Variants in RANBP1 observed in about 807,000 individuals in gnomAD.
RANBP1 encodes the protein ran-specific GTPase-activating protein.
A neutral mutation model predicts 31.4 loss-of-function variants in RANBP1; 16 were observed. The ratio of observed to expected loss-of-function variants is 0.51; its 90% CI spans 0.34 to 0.77. The LOEUF is 0.77. RANBP1 is among the 30% of genes least tolerant of loss of function. The pLI, the probability that RANBP1 is intolerant of heterozygous loss-of-function variation, is 0.01. For missense variants in RANBP1, 265 were observed against 362.0 expected (o/e 0.73, Z 2.17); for synonymous variants, 129 against 140.5 (o/e 0.92, Z 0.58).
At position 20,116,456 on chromosome 22, in the gene RANBP1, T is replaced by C; in HGVS notation, c.246+26T>C. On this transcript the variant is annotated intron_variant, in intron 1 of 5. Coordinates refer to ENST00000430524, the MANE Select transcript of RANBP1 (RefSeq NM_001278639.2). ...GTAAACAAGTCATCCCTGATGTAGC[T>C]GTAGAGCCCGGGCTGAGGCCCCGGC... 1.9e-6 allele frequency: 3 copies of C among 1,612,862 alleles called. No homozygotes were observed. The South Asian group carries it at 3.3e-5, about 18-fold the overall frequency.
intron 1 of RANBP1, chr22:20,116,947 G>A: frequency 6.4e-7 from 1 of 1,572,984 alleles, no homozygotes; most frequent in Non-Finnish European, 8.6e-7. Flanking sequence ...ACGCCATGGG[G>A]GCCGCCTGGC....
In RANBP1 at chr22:20,116,696, C is replaced by T. The variant is rs1260340931; in HGVS notation, c.246+266C>T. The T allele has an allele frequency of 1.8e-5, 27 of 1,471,420 alleles. 1 individual carries two copies. In the South Asian group the frequency reaches 2.4e-4, roughly 13 times the overall value. 91.1% of individuals were successfully genotyped at this position (1,471,420 alleles called of 1,614,324 possible). A position where few individuals can be genotyped will look rare whatever the true frequency, so the allele number is the denominator to read the frequency against. ...CAAGCTTCCTTATGGGACACCCAGA[C>T]CTCCGTCGGTGCACTCTGCACTCAG... is the stretch of plus-strand genomic sequence containing the variant. On this transcript the variant is annotated intron_variant, in intron 1 of 5. Transcript: ENST00000430524.
intron 2 of RANBP1, among the ~76,000 whole-genome samples, chr22:20,121,550 G>GT (rs1252163951): frequency 6.9e-6 from 1 of 143,904 alleles, no homozygotes; most frequent in Non-Finnish European, 1.5e-5. Context: ...GCCCTGTTTT[G>GT]TTTTGTTTTT....
At chr22:20,117,794 C>A (rs1340251682) in intron 1 of RANBP1, 4 of 1,034,736 alleles carry the variant, frequency 3.9e-6, no homozygotes, top group Non-Finnish European at 4.6e-6. Flanking sequence ...TGCTGGGCCT[C>A]GGTGGCGCGG....
chr22:20,126,927 C>T, intron 5 of RANBP1, 25 bp from the exon 6 acceptor site: 6 of 1,608,110 alleles, frequency 3.7e-6, no homozygotes, highest in African/African-American at 1.3e-5. Context: ...CTTCTGTTTT[C>T]TCACTGTGCT....
chr22:20,123,172 ATGTGTGGTGTCTGAAGG>A (rs1446083134), intron 3 of RANBP1, among the ~76,000 whole-genome samples: 3 of 67,112 alleles, frequency 4.5e-5, no homozygotes, highest in Non-Finnish European at 5.5e-5. Context: ...GTGTCGGGGC[ATGTGTGGTGTCTGAAGG>A]TGTGTGGTGT....
chr22:20,122,611 C>G, intron 3 of RANBP1, 190 bp downstream of exon 3: 1 of 1,523,964 alleles, frequency 6.6e-7, no homozygotes, highest in Non-Finnish European at 8.8e-7. Flanking sequence ...AGGCCCGCAG[C>G]GAAGCTTAGA....
chr22:20,125,362 G>T lies in RANBP1; in HGVS notation c.596G>T (p.Trp199Leu). 6.2e-7 allele frequency: 1 copy of T among 1,611,844 alleles called. No homozygotes were observed. Among genetic ancestry groups the T allele is most frequent in the Non-Finnish European group, 8.5e-7 (1 of 1,179,914 alleles). Residue 199 changes from tryptophan (W) to leucine (L), a missense_variant, in exon 4 of 6, where the codon TGG (tryptophan) becomes TTG (leucine). By Grantham distance (61) the Trp-to-Leu change is moderately conservative. Coordinates refer to ENST00000430524, the MANE Select transcript of RANBP1 (RefSeq NM_001278639.2). ...GCAGGTAGCGACCGTGCCTGGGTCT[G>T]GAACACCCACGCTGACTTCGCCGAC... ...PNAGSDRAWV[W>L]NTHADFADEC...
intron 1 of RANBP1, chr22:20,118,286 G>T: frequency 1.0e-6 from 1 of 1,002,460 alleles, no homozygotes; most frequent in South Asian, 4.7e-5. Context: ...GAAGTCTTGG[G>T]TCTCTTACGG....
chr22:20,116,545 A>G, intron 1 of RANBP1, 115 bp downstream of exon 1: 3 of 1,598,636 alleles, frequency 1.9e-6, no homozygotes, highest in Non-Finnish European at 2.6e-6. Context: ...TGCAGGGGGC[A>G]CCGAGACGGT....
chr22:20,124,107 G>C (rs1319784003), intron 3 of RANBP1: 1 of 152,750 alleles, frequency 6.5e-6, no homozygotes, highest in Non-Finnish European at 1.5e-5. Flanking sequence ...TCCTGGGGAA[G>C]CTTGCACTCT....
At chr22:20,116,910 C>T in intron 1 of RANBP1, 1 of 1,598,318 alleles carries the variant, frequency 6.3e-7, no homozygotes, top group Non-Finnish European at 8.5e-7. Flanking sequence ...CACTCATCGC[C>T]CAGGCGGTTC....
chr22:20,124,910 A>C, intron 3 of RANBP1: 1 of 250,886 alleles, frequency 4.0e-6, no homozygotes, highest in Non-Finnish European at 7.8e-6. Context: ...AATCAAGGGG[A>C]TCAGGGTTGG....
intron 1 of RANBP1, 173 bp downstream of exon 1, chr22:20,116,603 G>A: frequency 6.5e-7 from 1 of 1,540,924 alleles, no homozygotes. Context: ...CTCTCCATGG[G>A]CTTCGGGCCC....
At chr22:20,126,531 C>G in intron 5 of RANBP1, 163 bp downstream of exon 5, 1 of 1,576,622 alleles carries the variant, frequency 6.3e-7, no homozygotes. Flanking sequence ...ACAGGTGCTT[C>G]CTGGGGAGCC....
At chr22:20,117,001 G>A in intron 1 of RANBP1, 5 of 1,503,260 alleles carry the variant, frequency 3.3e-6, no homozygotes, top group Non-Finnish European at 3.6e-6. Flanking sequence ...CCTGTCACAA[G>A]GGAAGTGCTC....
chr22:20,118,262 T>C lies in RANBP1; in HGVS notation c.247-751T>C, dbSNP rs1444439669. 3.0e-6 allele frequency: 3 copies of C among 1,002,500 alleles called. No individual in the cohort carries two copies. In the East Asian group the frequency reaches 3.4e-4, roughly 113 times the overall value. 62.1% of individuals were successfully genotyped at this position (1,002,500 alleles called of 1,614,324 possible). ...AAAAGCTTATGTTTTCTTTTCCAGT[T>C]TGAGTCTAGTGGTGAAGTCTTGGGT... is the stretch of plus-strand genomic sequence containing the variant. On this transcript the variant is annotated intron_variant, in intron 1 of 5. Coordinates refer to ENST00000430524, the MANE Select transcript of RANBP1 (RefSeq NM_001278639.2).
At chr22:20,126,693 C>A in intron 5 of RANBP1, 1 of 1,499,560 alleles carries the variant, frequency 6.7e-7, no homozygotes. Context: ...TGGACTGCAG[C>A]TGTGGTGGCA....
chr22:20,118,958 C>A lies in RANBP1; in HGVS notation c.247-55C>A, dbSNP rs1193542621. On this transcript the variant is annotated intron_variant, in intron 1 of 5. Transcript: ENST00000430524. ...GACCACTGCAGGCACTGGTTGGGCT[C>A]TGGTTGTGAGCCAGATCCATAGGCC... The A allele has an allele frequency of 3.2e-6, 5 of 1,582,760 alleles. No individual in the cohort carries two copies. The East Asian group carries it at 1.1e-4, about 36-fold the overall frequency.
Sources: allele counts gnomAD v4.1 joint callset (sites outside exome capture counted in the v4.1 genomes callset), GRCh38; gene constraint gnomAD v4.1.1; transcripts MANE v1.5; gene names NCBI Gene and HGNC (gene_info 2026-07-23, HGNC 2026-07-21).